TENM3: variants seen among roughly 807,000 people sequenced by gnomAD.
The protein encoded by TENM3 is teneurin-3.
Under a neutral mutation model 255.1 loss-of-function variants are expected in TENM3, and 63 were observed. The ratio of observed to expected loss-of-function variants is 0.25; its 90% CI spans 0.20 to 0.30. TENM3 has a LOEUF of 0.30. Among genes scored for constraint, TENM3 ranks in the 10% least tolerant of loss-of-function variants. The pLI, the probability that TENM3 is intolerant of heterozygous loss-of-function variation, is 1.00. For missense variants in TENM3, 2,929 were observed against 3,461.1 expected, an observed-to-expected ratio of 0.85 and a Z score of 3.86; for synonymous variants, 1,306 against 1,322.3, an observed-to-expected ratio of 0.99 and a Z score of 0.27.
chr4:182,061,901 G>A, the TENM3 span, among the ~76,000 whole-genome samples: 1 of 152,262 alleles, frequency 6.6e-6, no homozygotes, highest in African/African-American at 2.4e-5. Flanking sequence ...AGACTGCAGT[G>A]AGCCATCATT....
At chr4:182,051,438 C>T in the TENM3 span, among the ~76,000 whole-genome samples, 6 of 144,664 alleles carry the variant, frequency 4.1e-5, no homozygotes, top group Admixed American at 6.9e-5. Context: ...ACTGCAGTGG[C>T]GCTATCTCGC....
At chr4:182,600,750 T>C (rs1747748363) in intron 3 of TENM3, among the ~76,000 whole-genome samples, 174 bp from the exon 4 acceptor site, 1 of 152,074 alleles carries the variant, frequency 6.6e-6, no homozygotes. Flanking sequence ...TTAGAGAATG[T>C]CACTGAACAC....
chr4:181,943,834 G>A, the TENM3 span, among the ~76,000 whole-genome samples: 6 of 152,276 alleles, frequency 3.9e-5, no homozygotes, highest in East Asian at 3.9e-4. Context: ...GGTCTGACAC[G>A]TTTCCGCAGG....
upstream of TENM3, among the ~76,000 whole-genome samples, chr4:182,241,518 C>CTTTTTTTTTTTTTTTTTTTTTTTT (rs982739950): frequency 2.6e-4 from 30 of 114,264 alleles, no homozygotes; most frequent in African/African-American, 1.0e-3. Flanking sequence ...TTTTTTCTTT[C>CTTTTTTTTTTTTTTTTTTTTTTTT]TTTTTTTTTT....
chr4:182,727,769 A>C (rs1382644530), intron 13 of TENM3, among the ~76,000 whole-genome samples: 4 of 151,866 alleles, frequency 2.6e-5, no homozygotes, highest in Non-Finnish European at 2.9e-5. Flanking sequence ...TAATACCTCC[A>C]TTTTAGTGAG....
chr4:182,034,474 A>G, the TENM3 span, among the ~76,000 whole-genome samples: 1 of 152,152 alleles, frequency 6.6e-6, no homozygotes, highest in Non-Finnish European at 1.5e-5. Context: ...GTTGCTTCAT[A>G]GTGTGTCACT....
At chr4:182,694,602 A>T (rs1757250185) in intron 12 of TENM3, among the ~76,000 whole-genome samples, 1 of 152,200 alleles carries the variant, frequency 6.6e-6, no homozygotes, top group Non-Finnish European at 1.5e-5. Context: ...AAGAGCAGCT[A>T]TTTGTTTTTA....
At chr4:181,600,085 AT>A in the TENM3 span, among the ~76,000 whole-genome samples, 1 of 152,212 alleles carries the variant, frequency 6.6e-6, no homozygotes, top group Admixed American at 6.5e-5. Flanking sequence ...CTAATGCTGC[AT>A]GTAATCTCCT....
the TENM3 span, among the ~76,000 whole-genome samples, chr4:181,584,275 A>T: frequency 6.6e-6 from 1 of 152,150 alleles, no homozygotes; most frequent in Admixed American, 6.5e-5. Context: ...ATTCTATGCT[A>T]ACAAACAGAA....
At chr4:181,871,908 C>A in the TENM3 span, among the ~76,000 whole-genome samples, 6 of 152,030 alleles carry the variant, frequency 3.9e-5, no homozygotes, top group Admixed American at 1.3e-4. Flanking sequence ...CTGGGATAAA[C>A]CCTCATTTGA....
chr4:182,676,154 C>A (rs758451967), intron 7 of TENM3, among the ~76,000 whole-genome samples: 200 of 152,328 alleles, frequency 1.3e-3, no homozygotes, highest in Non-Finnish European at 2.5e-3. Flanking sequence ...GCCAGCCATT[C>A]AGAATAGTTG....
At position 182,726,113 on chromosome 4, in the gene TENM3, G is replaced by T. The variant is rs1376017157; in HGVS notation, c.2369-2852G>T. Among the ~76,000 whole-genome samples, 8 of 152,204 alleles carry T rather than the reference G, an allele frequency of 5.3e-5. No individual in the cohort carries two copies. The East Asian group carries it at 1.5e-3, about 29-fold the overall frequency. On this transcript the variant is annotated intron_variant, in intron 13 of 27. Coordinates refer to ENST00000511685, the MANE Select transcript of TENM3 (RefSeq NM_001080477.4). ...AATCCTGACCCACACATTTTCATGT[G>T]TATGGAAATTATGGTAACAAAAAAC...
chr4:182,378,718 G>A (rs1216539410), intron 3 of TENM3, among the ~76,000 whole-genome samples: 1 of 152,136 alleles, frequency 6.6e-6, no homozygotes, highest in Non-Finnish European at 1.5e-5. Flanking sequence ...GCAGAGTTTG[G>A]ATTTGAAAAG....
the TENM3 span, among the ~76,000 whole-genome samples, chr4:182,045,488 T>C: frequency 2.6e-5 from 4 of 152,160 alleles, no homozygotes; most frequent in Non-Finnish European, 5.9e-5. Context: ...GACCGAAGTT[T>C]AGAAAAAATT....
the TENM3 span, among the ~76,000 whole-genome samples, chr4:182,054,225 T>C: frequency 1.4e-3 from 210 of 152,298 alleles, 1 homozygote; most frequent in African/African-American, 4.8e-3. Flanking sequence ...TCTCTCCTCC[T>C]GCCCACTGCC....
chr4:182,738,636 C>T (rs1761357006), intron 18 of TENM3, 92 bp downstream of exon 18: 1 of 1,033,242 alleles, frequency 9.7e-7, no homozygotes, highest in Non-Finnish European at 1.4e-6. Flanking sequence ...ATTGTAGCAA[C>T]ATTTTATGCT....
intron 22 of TENM3, 82 bp from the exon 23 acceptor site, chr4:182,773,390 A>G: frequency 7.8e-7 from 1 of 1,284,596 alleles, no homozygotes; most frequent in Non-Finnish European, 1.1e-6. Context: ...TTGTGCAACT[A>G]ATATTGCTAC....
chr4:182,567,312 A>T (rs901733657), intron 3 of TENM3, among the ~76,000 whole-genome samples: 5 of 152,090 alleles, frequency 3.3e-5, no homozygotes, highest in African/African-American at 1.2e-4. Context: ...ATTTCTGCAG[A>T]GGCTTCCTGT....
chr4:181,631,568 G>T, the TENM3 span, among the ~76,000 whole-genome samples: 1 of 152,100 alleles, frequency 6.6e-6, no homozygotes, highest in African/African-American at 2.4e-5. Flanking sequence ...CAGATTACAG[G>T]CATGAGCCAC....
Sources: allele counts gnomAD v4.1 joint callset (sites outside exome capture counted in the v4.1 genomes callset), GRCh38; gene constraint gnomAD v4.1.1; transcripts MANE v1.5; gene names NCBI Gene and HGNC (gene_info 2026-07-23, HGNC 2026-07-21).